The following TTC7B variants were observed in gnomAD, a reference collection of about 807,000 sequenced individuals.
TTC7B encodes the protein tetratricopeptide repeat domain 7B, also known as tetratricopeptide repeat protein 7B.
A neutral mutation model predicts 106.8 loss-of-function variants in TTC7B; 28 were observed. The observed-to-expected ratio is 0.26, with a 90% confidence interval of 0.19 to 0.36. The LOEUF is 0.36. TTC7B is among the 10% of genes least tolerant of loss of function. The pLI is 1.00. For synonymous variants in TTC7B, 405 were observed against 430.6 expected (o/e 0.94, Z 0.74); for missense variants, 862 against 1,076.4 (o/e 0.80, Z 2.79).
Position 90,575,251 on chromosome 14 carries a change from T to C in TTC7B, c.2310+2855A>G, listed in dbSNP as rs1167226967. Among the ~76,000 whole-genome samples the C allele has an allele frequency of 6.6e-6, 1 of 152,232 alleles. No individual in the cohort carries two copies. Among genetic ancestry groups the C allele is most frequent in the African/African-American group, 2.4e-5 (1 of 41,464 alleles). The stretch of plus-strand genomic sequence containing the variant: ...TGTCAGTTCTTGGGTTTAATCTGTC[T>C]GCATGTTGTATTGGCGCGGTTATCC... On this transcript the variant is annotated intron_variant, in intron 19 of 19. Transcript: ENST00000328459. This position sits in a 1 kb window ranked among gnomAD's most constrained non-coding sequence, Gnocchi z 5.2.
intron 11 of TTC7B, among the ~76,000 whole-genome samples, chr14:90,656,097 G>T (rs1885936215): frequency 1.3e-5 from 2 of 152,176 alleles, no homozygotes; most frequent in Non-Finnish European, 1.5e-5. Context: ...CACTTTCACA[G>T]CTGTGTGTTT....
intron 1 of TTC7B, among the ~76,000 whole-genome samples, chr14:90,787,718 C>T (rs1891440283): frequency 6.6e-6 from 1 of 152,190 alleles, no homozygotes; most frequent in Non-Finnish European, 1.5e-5. Context: ...ACTGCTGAAT[C>T]TATAGGTCTT....
At chr14:90,626,490 G>A (rs1455909469) in intron 15 of TTC7B, among the ~76,000 whole-genome samples, 1 of 152,054 alleles carries the variant, frequency 6.6e-6, no homozygotes, top group Non-Finnish European at 1.5e-5. Context: ...CCACTGAGGG[G>A]GTACCATTCA....
At chr14:90,789,648 C>A (rs1010666490) in intron 1 of TTC7B, among the ~76,000 whole-genome samples, 2 of 66,636 alleles carry the variant, frequency 3.0e-5, no homozygotes, top group Non-Finnish European at 1.2e-4. Flanking sequence ...GTAATCCCAG[C>A]ACTTTTAGGA....
intron 5 of TTC7B, among the ~76,000 whole-genome samples, chr14:90,717,605 C>A (rs1888707569): frequency 6.6e-6 from 1 of 152,094 alleles, no homozygotes; most frequent in Non-Finnish European, 1.5e-5. Context: ...GGCTTTAGCT[C>A]AATCTCTCTG....
chr14:90,797,560 C>A (rs985376873), intron 1 of TTC7B, among the ~76,000 whole-genome samples: 7 of 151,952 alleles, frequency 4.6e-5, no homozygotes, highest in African/African-American at 1.7e-4. Context: ...TTTGTGATCC[C>A]CCTGCCTCCA....
intron 5 of TTC7B, among the ~76,000 whole-genome samples, chr14:90,708,686 C>A (rs1888312941): frequency 6.6e-6 from 1 of 152,180 alleles, no homozygotes; most frequent in Non-Finnish European, 1.5e-5. Flanking sequence ...TGTTTTCATG[C>A]CTGCTAACAC....
intron 4 of TTC7B, among the ~76,000 whole-genome samples, chr14:90,737,546 G>GTTTTTTTTTTTTTT (rs71461922): frequency 1.1e-5 from 1 of 91,750 alleles, no homozygotes; most frequent in Non-Finnish European, 2.2e-5. Context: ...GTATGATTCT[G>GTTTTTTTTTTTTTT]TTTTTTTTTT....
In TTC7B at chr14:90,629,980, G is replaced by A. The variant is rs181637488; in HGVS notation, c.1752-11935C>T. 4.3e-3 allele frequency among the ~76,000 whole-genome samples: 650 copies of A among 152,316 alleles called. 4 individuals carry two copies. Among genetic ancestry groups the A allele is most frequent in the Non-Finnish European group, 7.3e-3 (496 of 68,034 alleles). On this transcript the variant is annotated intron_variant, in intron 15 of 19. Transcript: ENST00000328459. ...TGAGGATTTAAACTGGGGGACACCA[G>A]TCATATGCAAGCCTAGTACTGGTTG...
At chr14:90,592,126 G>A (rs1041997796) in intron 18 of TTC7B, among the ~76,000 whole-genome samples, 3 of 152,190 alleles carry the variant, frequency 2.0e-5, no homozygotes, top group Non-Finnish European at 4.4e-5. Flanking sequence ...TTTTCAATGC[G>A]AAGGCCTGCC....
chr14:90,697,119 G>T (rs1346541451), intron 5 of TTC7B, among the ~76,000 whole-genome samples: 1 of 152,206 alleles, frequency 6.6e-6, no homozygotes, highest in Non-Finnish European at 1.5e-5. Context: ...AATAAGCTGT[G>T]ACTGAGGCAA....
intron 16 of TTC7B, among the ~76,000 whole-genome samples, chr14:90,616,117 A>G (rs190192327): frequency 4.1e-4 from 62 of 152,210 alleles, no homozygotes; most frequent in African/African-American, 1.5e-3. Context: ...GGTGTGGGGA[A>G]CTGAGGGGAA....
chr14:90,584,314 GTTCA>G (rs925977454), intron 18 of TTC7B, among the ~76,000 whole-genome samples: 1 of 152,176 alleles, frequency 6.6e-6, no homozygotes, highest in Non-Finnish European at 1.5e-5. Flanking sequence ...TAGTTTCCTC[GTTCA>G]TTCATTCATT....
chr14:90,736,164 A>G (rs1889515786), intron 4 of TTC7B, among the ~76,000 whole-genome samples: 1 of 152,126 alleles, frequency 6.6e-6, no homozygotes, highest in South Asian at 2.1e-4. Flanking sequence ...ATATATATAT[A>G]TATACCACAA....
intron 6 of TTC7B, among the ~76,000 whole-genome samples, chr14:90,691,639 G>A (rs10498625): frequency 0.34 from 52,169 of 152,070 alleles, 9,476 homozygotes; most frequent in East Asian, 0.6. Context: ...AGACCTGGAT[G>A]TTTATGTACA....
At chr14:90,776,114 G>A (rs1308580910) in intron 3 of TTC7B, among the ~76,000 whole-genome samples, 1 of 148,942 alleles carries the variant, frequency 6.7e-6, no homozygotes, top group Non-Finnish European at 1.5e-5. Context: ...AGTCAGGCAT[G>A]AGCAGGGCAG....
intron 1 of TTC7B, among the ~76,000 whole-genome samples, chr14:90,790,605 C>T (rs542850490): frequency 6.6e-6 from 1 of 152,196 alleles, no homozygotes; most frequent in East Asian, 1.9e-4. Flanking sequence ...CCTCACCCCT[C>T]CTCGCCTCCC....
At chr14:90,666,079 C>T (rs1886398016) in intron 9 of TTC7B, among the ~76,000 whole-genome samples, 1 of 152,202 alleles carries the variant, frequency 6.6e-6, no homozygotes, top group Non-Finnish European at 1.5e-5. Flanking sequence ...GGAGACAGGA[C>T]CTCCCCAGGG....
At position 90,527,900 on chromosome 14, in the gene TTC7B, A is replaced by C. The variant is rs1889184702; in HGVS notation, c.*13468T>G. On this transcript the variant is annotated 3_prime_UTR_variant, in exon 20 of 20. Coordinates refer to ENST00000328459, the MANE Select transcript of TTC7B (RefSeq NM_001010854.2). ...TGATCACATCACAAGCTAAAGGAAA[A>C]TGGCGAGCCAGGTGTGGCGGCTCAC... 1 of 150,640 alleles carries C rather than the reference A, an allele frequency of 6.6e-6. No individual in the cohort carries two copies. 9.3% of individuals were successfully genotyped at this position (150,640 alleles called of 1,614,324 possible).
Sources: gnomAD v4.1 joint callset for allele counts (sites outside exome capture counted in the v4.1 genomes callset) on GRCh38, gnomAD v4.1.1 for gene constraint, Gnocchi (gnomAD v3.1) non-coding constraint, MANE v1.5 for transcripts, NCBI Gene and HGNC (gene_info 2026-07-23, HGNC 2026-07-21) for gene names.